The following MGAT4D variants were observed in gnomAD, a reference collection of about 807,000 sequenced individuals.
The protein encoded by MGAT4D is MGAT4 family member D, also known as alpha-1,3-mannosyl-glycoprotein 4-beta-N-acetylglucosaminyltransferase-like protein MGAT4D.
In MGAT4D, 34 loss-of-function variants were observed where a neutral mutation model predicts 15.9. The ratio of observed to expected loss-of-function variants is 2.14; its 90% CI spans 1.62 to 2.84. MGAT4D has a LOEUF of 2.84. Ranked by LOEUF, MGAT4D falls within the 30% of genes most tolerant of loss-of-function variation. The pLI is 0.00. For synonymous variants in MGAT4D, 112 were observed against 48.2 expected, an observed-to-expected ratio of 2.33 and a Z score of -5.49; for missense variants, 327 against 140.2, an observed-to-expected ratio of 2.33 and a Z score of -6.73.
At chr4:140,456,848 G>A (rs943228739) in intron 8 of MGAT4D, 129 bp from the exon 9 acceptor site, 1 of 471,512 alleles carries the variant, frequency 2.1e-6, no homozygotes, top group African/African-American at 2.0e-5. Context: ...TTAAAGCACT[G>A]CTGAAGTTAG....
chr4:140,473,959 C>A (rs971737615), intron 4 of MGAT4D, among the ~76,000 whole-genome samples: 4 of 152,042 alleles, frequency 2.6e-5, no homozygotes, highest in African/African-American at 9.7e-5. Flanking sequence ...GCCCCAGCAC[C>A]ATAAAGTGCT....
At chr4:140,496,085 T>C (rs1733817357) in intron 1 of MGAT4D, among the ~76,000 whole-genome samples, 1 of 152,168 alleles carries the variant, frequency 6.6e-6, no homozygotes. Flanking sequence ...CACTAGGTGG[T>C]GGCCATCTTT....
Position 140,498,277 on chromosome 4 carries a change from G to A in MGAT4D, c.-55C>T. 1.4e-6 allele frequency: 1 copy of A among 698,752 alleles called. No homozygotes were observed. The highest frequency in any genetic ancestry group is 2.6e-6 in the Non-Finnish European group (1 of 382,570). The allele number at this position is 698,752 out of a possible 1,614,324, so 43.3% of individuals were successfully genotyped here. On this transcript the variant is annotated 5_prime_UTR_variant, in exon 1 of 11. Transcript: ENST00000511113. Reference sequence around the variant, plus strand: ...GGTGGAGGCGGCGGATAATGCCAGGGACGGGGTTGAGCGCGCAGAGCCCCC... The same window carrying A: ...GGTGGAGGCGGCGGATAATGCCAGGAACGGGGTTGAGCGCGCAGAGCCCCC...
At chr4:140,476,506 A>G (rs549547652) in intron 3 of MGAT4D, among the ~76,000 whole-genome samples, 2 of 152,266 alleles carry the variant, frequency 1.3e-5, no homozygotes, top group Non-Finnish European at 2.9e-5. Context: ...ATTTTTATGG[A>G]TAGATTGAGG....
chr4:140,451,511 A>C lies in MGAT4D; in HGVS notation c.1015T>G (p.Cys339Gly). 1.8e-6 allele frequency: 1 copy of C among 558,256 alleles called. No individual in the cohort carries two copies. Among genetic ancestry groups the C allele is most frequent in the Admixed American group, 2.5e-5 (1 of 39,360 alleles). 34.6% of individuals were successfully genotyped at this position (558,256 alleles called of 1,614,324 possible). ...CGTATTTGCTTCTTTCGTTTCATAC[A>C]GTTTCTCTGGGGAAAAAGAAACAAC... ...VCDAGEDLRN[C>G]MKRKKQIRIQ... The change falls in exon 10 of 11, where the codon TGT becomes GGT. Residue 339 changes from cysteine to glycine, a missense_variant. By Grantham distance (159) the Cys-to-Gly change is radical. Coordinates refer to ENST00000511113, the MANE Select transcript of MGAT4D (RefSeq NM_001277353.2).
At chr4:140,483,598 T>A (rs191164403) in intron 1 of MGAT4D, among the ~76,000 whole-genome samples, 1 of 152,276 alleles carries the variant, frequency 6.6e-6, no homozygotes, top group African/African-American at 2.4e-5. Flanking sequence ...GACATCACAC[T>A]ACCTGACTTC....
At chr4:140,468,105 TTAAA>T (rs1731667866) in intron 5 of MGAT4D, among the ~76,000 whole-genome samples, 2 of 149,850 alleles carry the variant, frequency 1.3e-5, no homozygotes, top group African/African-American at 4.9e-5. Flanking sequence ...ATAGTGAATA[TTAAA>T]TAGTGAATAT....
At chr4:140,481,644 C>A (rs1394374859) in intron 2 of MGAT4D, among the ~76,000 whole-genome samples, 1 of 152,126 alleles carries the variant, frequency 6.6e-6, no homozygotes, top group Non-Finnish European at 1.5e-5. Flanking sequence ...ATAAACAGAA[C>A]AATTGGTGAC....
chr4:140,448,507 G>A (rs1730273793), intron 10 of MGAT4D, among the ~76,000 whole-genome samples: 1 of 152,058 alleles, frequency 6.6e-6, no homozygotes, highest in Admixed American at 6.5e-5. Context: ...ATACTTACAA[G>A]TTCATTAGGA....
rs983526039 is a variant in MGAT4D, at chr4:140,484,539, A to T, written c.95-2054T>A. Among the ~76,000 whole-genome samples, 3 of 152,344 alleles carry T rather than the reference A, an allele frequency of 2.0e-5. No individual in the cohort carries two copies. The South Asian group carries it at 6.2e-4, about 32-fold the overall frequency. ...CCAAAAGCAATAGCAACAAAAGCCA[A>T]AATTGACAAATGGGATCTAATTAAA... On this transcript the variant is annotated intron_variant, in intron 1 of 10. Coordinates refer to ENST00000511113, the MANE Select transcript of MGAT4D (RefSeq NM_001277353.2).
intron 1 of MGAT4D, among the ~76,000 whole-genome samples, chr4:140,493,136 C>T (rs1733610894): frequency 6.6e-6 from 1 of 151,956 alleles, no homozygotes; most frequent in East Asian, 1.9e-4. Flanking sequence ...AGGTAAGTTC[C>T]GCAACATAAT....
intron 9 of MGAT4D, among the ~76,000 whole-genome samples, chr4:140,454,238 T>C (rs1382570266): frequency 6.6e-6 from 1 of 152,206 alleles, no homozygotes; most frequent in Non-Finnish European, 1.5e-5. Context: ...AAGTTGGCTA[T>C]GGGATTTCTC....
rs1413985927 is a variant in MGAT4D at position 140,498,227 on chromosome 4, C to T, written c.-5G>A. The T allele has an allele frequency of 1.4e-6, 1 of 701,828 alleles. No individual in the cohort carries two copies. The highest frequency in any genetic ancestry group is 1.7e-5 in the African/African-American group (1 of 57,206). The allele number at this position is 701,828 out of a possible 1,614,324, so 43.5% of individuals were successfully genotyped here. A position where few individuals can be genotyped will look rare whatever the true frequency, so the allele number is the denominator to read the frequency against. On this transcript the variant is annotated 5_prime_UTR_variant, in exon 1 of 11. Transcript: ENST00000511113. ...GTTCACCTGCTTGGTCCTCATGGCCCTGGCCAGGCTGCGGGAGGCCGGCGG... is the reference window on the plus strand; with the variant it reads ...GTTCACCTGCTTGGTCCTCATGGCCTTGGCCAGGCTGCGGGAGGCCGGCGG...
chr4:140,476,679 C>T (rs995340872), intron 3 of MGAT4D, among the ~76,000 whole-genome samples: 19 of 152,152 alleles, frequency 1.2e-4, no homozygotes, highest in Non-Finnish European at 1.9e-4. Context: ...TGACCAAATA[C>T]CACTCTTACC....
chr4:140,453,054 T>C (rs1345590052), intron 9 of MGAT4D, among the ~76,000 whole-genome samples: 1 of 152,190 alleles, frequency 6.6e-6, no homozygotes, highest in Non-Finnish European at 1.5e-5. Flanking sequence ...TATCAGTTCG[T>C]TATATTTTGT....
chr4:140,445,846 G>A (rs1379784458), intron 10 of MGAT4D, among the ~76,000 whole-genome samples: 2 of 152,130 alleles, frequency 1.3e-5, no homozygotes, highest in African/African-American at 4.8e-5. Context: ...CTGTAGATGT[G>A]TGGCATTATT....
chr4:140,465,488 C>T (rs1392135574), intron 5 of MGAT4D, among the ~76,000 whole-genome samples: 1 of 152,172 alleles, frequency 6.6e-6, no homozygotes, highest in Non-Finnish European at 1.5e-5. Flanking sequence ...ACTATGTGTA[C>T]TCTTTAGCAT....
In MGAT4D at chr4:140,461,915, ACAC is replaced by A. The variant is rs1407870550; in HGVS notation, c.762+11_762+13del. The A allele has an allele frequency of 1.1e-5, 8 of 696,622 alleles. No homozygotes were observed. Among genetic ancestry groups the A allele is most frequent in the East Asian group, 2.7e-5 (1 of 37,116 alleles). 43.2% of individuals were successfully genotyped at this position (696,622 alleles called of 1,614,324 possible). ...CACACACACACACACACACACACACACACAATTTCTGACCTGTAAATAATACTT... is the reference window on the plus strand; with the variant it reads ...CACACACACACACACACACACACACAAATTTCTGACCTGTAAATAATACTT... On this transcript the variant is annotated intron_variant, in intron 7 of 10. Transcript: ENST00000511113.
At chr4:140,475,481 TGCAGCTAAGATTGAGGCTACCAATC>T (rs1732248712) in intron 3 of MGAT4D, among the ~76,000 whole-genome samples, 1 of 151,940 alleles carries the variant, frequency 6.6e-6, no homozygotes, top group Non-Finnish European at 1.5e-5. Context: ...GCTGTACAGG[TGCAGCTAAGATTGAGGCTACCAATC>T]GTAACTATAC....
Sources: gnomAD v4.1 joint callset for allele counts (sites outside exome capture counted in the v4.1 genomes callset) on GRCh38, gnomAD v4.1.1 for gene constraint, MANE v1.5 for transcripts, NCBI Gene and HGNC (gene_info 2026-07-23, HGNC 2026-07-21) for gene names.